Variants in NSA2 observed in about 807,000 individuals in gnomAD.
NSA2 encodes NSA2 ribosome biogenesis factor, also known as ribosome biogenesis protein NSA2 homolog.
In NSA2, 18 loss-of-function variants were observed where a neutral mutation model predicts 34.8. The ratio of observed to expected loss-of-function variants is 0.52; its 90% CI spans 0.36 to 0.77. NSA2 has a LOEUF of 0.77. Among genes scored for constraint, NSA2 ranks in the 30% least tolerant of loss-of-function variants. The probability of loss-of-function intolerance (pLI) is 0.00; values close to 1 mark genes in which losing one functional copy is unlikely to be tolerated. For synonymous variants in NSA2, 79 were observed against 100.2 expected, an observed-to-expected ratio of 0.79 and a Z score of 1.26; for missense variants, 188 against 314.7, an observed-to-expected ratio of 0.60 and a Z score of 3.05.
chr5:74,779,069 CAGAG>C lies in NSA2; in HGVS notation c.*2402_*2405del, dbSNP rs1745274530. ...TAAACCCCAAAATAACAATTTCTGT[CAGAG>C]AGAATCTGTAACAGAAGTGTTCTTG... On this transcript the variant is annotated 3_prime_UTR_variant, in exon 6 of 6. Transcript: ENST00000610426. 2.0e-5 allele frequency: 3 copies of C among 152,234 alleles called. No individual in the cohort carries two copies. Among genetic ancestry groups the C allele is most frequent in the South Asian group, 4.1e-4 (2 of 4,824 alleles). 9.4% of individuals were successfully genotyped at this position (152,234 alleles called of 1,614,324 possible).
chr5:74,777,545 GTA>G lies in NSA2; in HGVS notation c.*878_*879del, dbSNP rs1561280007. The G allele has an allele frequency of 6.6e-6, 1 of 151,906 alleles. No homozygotes were observed. The highest frequency in any genetic ancestry group is 2.4e-5 in the African/African-American group (1 of 41,394). The allele number at this position is 151,906 out of a possible 1,614,324, so 9.4% of individuals were successfully genotyped here. A position where few individuals can be genotyped will look rare whatever the true frequency, so the allele number is the denominator to read the frequency against. On this transcript the variant is annotated 3_prime_UTR_variant, in exon 6 of 6. Coordinates refer to ENST00000610426, the MANE Select transcript of NSA2 (RefSeq NM_014886.6). Reference sequence around the variant, plus strand: ...TATATGTTGTGGTTTTAAGGATGGCGTATATTACATTAATCTATAATCACCAC... The same window carrying G: ...TATATGTTGTGGTTTTAAGGATGGCGTATTACATTAATCTATAATCACCAC...
At chr5:74,771,506 A>G (rs1744927419) in intron 4 of NSA2, 1 of 152,128 alleles carries the variant, frequency 6.6e-6, no homozygotes, top group Admixed American at 6.5e-5. Flanking sequence ...GGACTGTTTT[A>G]TAAGAGTCAA....
chr5:74,769,151 T>C, intron 2 of NSA2, 33 bp downstream of exon 2: 1 of 1,594,742 alleles, frequency 6.3e-7, no homozygotes, highest in Non-Finnish European at 8.5e-7. Flanking sequence ...CATAACAAGT[T>C]AACATCTTTT....
chr5:74,776,985 A>C lies in NSA2; in HGVS notation c.*314A>C, dbSNP rs1412041127. 1 of 205,490 alleles carries C rather than the reference A, an allele frequency of 4.9e-6. No homozygotes were observed. Among genetic ancestry groups the C allele is most frequent in the Non-Finnish European group, 9.7e-6 (1 of 102,728 alleles). The allele number at this position is 205,490 out of a possible 1,614,324, so 12.7% of individuals were successfully genotyped here. On this transcript the variant is annotated 3_prime_UTR_variant, in exon 6 of 6. Transcript: ENST00000610426. ...CAGTGTTCATTGAAAATGCCTTTCA[A>C]AAAGGTTAATACACAATTATGTGTC...
intron 1 of NSA2, among the ~76,000 whole-genome samples, chr5:74,768,428 G>T (rs1470720920): frequency 6.6e-6 from 1 of 152,188 alleles, no homozygotes; most frequent in Admixed American, 6.5e-5. Flanking sequence ...CAAACTGAGG[G>T]TTGGGAAAGA....
intron 5 of NSA2, among the ~76,000 whole-genome samples, chr5:74,774,784 A>C (rs1346127411): frequency 6.6e-6 from 1 of 152,254 alleles, no homozygotes; most frequent in South Asian, 2.1e-4. Context: ...CAATGACTAA[A>C]GATGTCTTCC....
At chr5:74,772,021 G>C (rs1452784476) in intron 4 of NSA2, among the ~76,000 whole-genome samples, 1 of 151,946 alleles carries the variant, frequency 6.6e-6, no homozygotes, top group African/African-American at 2.4e-5. Context: ...TCCCTTCAAA[G>C]AGACTGAACT....
At chr5:74,772,179 C>T (rs1418667436) in intron 4 of NSA2, among the ~76,000 whole-genome samples, 2 of 148,602 alleles carry the variant, frequency 1.3e-5, no homozygotes, top group Non-Finnish European at 3.0e-5. Flanking sequence ...GGCGGGAGTG[C>T]AGTGGCACGA....
rs1292805486 is a variant in NSA2, at chr5:74,780,069, T to TA, written c.*3400dup. On this transcript the variant is annotated 3_prime_UTR_variant, in exon 6 of 6. Transcript: ENST00000610426. ...CTGTTTTTAGATTATCTTTGGATTC[T>TA]AATAACCATTTTGTCCATTTTTAAA... 2 of 152,222 alleles carry TA rather than the reference T, an allele frequency of 1.3e-5. No homozygotes were observed. Among genetic ancestry groups the TA allele is most frequent in the Non-Finnish European group, 2.9e-5 (2 of 68,028 alleles). The allele number at this position is 152,222 out of a possible 1,614,324, so 9.4% of individuals were successfully genotyped here. A position where few individuals can be genotyped will look rare whatever the true frequency, so the allele number is the denominator to read the frequency against.
Position 74,777,576 on chromosome 5 carries a change from G to A in NSA2, c.*905G>A, listed in dbSNP as rs1745182657. 1 of 148,220 alleles carries A rather than the reference G, an allele frequency of 6.7e-6. No individual in the cohort carries two copies. Among genetic ancestry groups the A allele is most frequent in the South Asian group, 2.1e-4 (1 of 4,756 alleles). The allele number at this position is 148,220 out of a possible 1,614,324, so 9.2% of individuals were successfully genotyped here. ...TACATTAATCTATAATCACCACATT[G>A]TTTTAAATTGTTTATTTTTTTTTTA... On this transcript the variant is annotated 3_prime_UTR_variant, in exon 6 of 6. Coordinates refer to ENST00000610426, the MANE Select transcript of NSA2 (RefSeq NM_014886.6).
chr5:74,776,566 A>C (rs750087978), intron 5 of NSA2, 38 bp from the exon 6 acceptor site: 1 of 1,052,804 alleles, frequency 9.5e-7, no homozygotes, highest in Admixed American at 1.7e-5. Flanking sequence ...TTAGCTAACA[A>C]CCCTCCCTTT....
At chr5:74,776,573 C>G (rs891890745) in intron 5 of NSA2, 31 bp from the exon 6 acceptor site, 2 of 1,204,022 alleles carry the variant, frequency 1.7e-6, no homozygotes, top group Non-Finnish European at 2.5e-6. Context: ...ACAACCCTCC[C>G]TTTTCCCTTT....
intron 4 of NSA2, among the ~76,000 whole-genome samples, chr5:74,772,414 C>T (rs147590813): frequency 0.01 from 1,516 of 147,336 alleles, 28 homozygotes; most frequent in African/African-American, 0.037. Context: ...CCACCGTGCC[C>T]GGCCAACGTG....
At chr5:74,775,267 G>C (rs1050390555) in intron 5 of NSA2, among the ~76,000 whole-genome samples, 1 of 152,050 alleles carries the variant, frequency 6.6e-6, no homozygotes, top group East Asian at 1.9e-4. Context: ...AGTTCGTTCT[G>C]TTAATTCCCA....
chr5:74,778,369 A>G lies in NSA2; in HGVS notation c.*1698A>G, dbSNP rs896394016. 6.6e-6 allele frequency: 1 copy of G among 152,094 alleles called. No individual in the cohort carries two copies. Among genetic ancestry groups the G allele is most frequent in the Non-Finnish European group, 1.5e-5 (1 of 67,912 alleles). The allele number at this position is 152,094 out of a possible 1,614,324, so 9.4% of individuals were successfully genotyped here. On this transcript the variant is annotated 3_prime_UTR_variant, in exon 6 of 6. Transcript: ENST00000610426. ...GTAATCCCAAGGGATAAAGCAGAAC[A>G]TAAGAGCAGATATTTAGATATTAGT... is the stretch of plus-strand genomic sequence containing the variant.
intron 4 of NSA2, among the ~76,000 whole-genome samples, chr5:74,771,870 GAAA>G (rs869172253): frequency 1.0e-5 from 1 of 98,896 alleles, no homozygotes; most frequent in Non-Finnish European, 1.9e-5. Context: ...AAAAAAAAAA[GAAA>G]AAAAGAAAAA....
intron 5 of NSA2, 74 bp from the exon 6 acceptor site, chr5:74,776,530 G>A: frequency 7.4e-6 from 6 of 813,910 alleles, no homozygotes; most frequent in Non-Finnish European, 1.3e-5. Context: ...AAAGGCAAAA[G>A]TTATATTCTT....
At chr5:74,775,992 G>T (rs955682454) in intron 5 of NSA2, among the ~76,000 whole-genome samples, 15 of 152,126 alleles carry the variant, frequency 9.9e-5, no homozygotes, top group African/African-American at 3.4e-4. Flanking sequence ...TTTCCAGGAA[G>T]AATTATGTGA....
Position 74,768,997 on chromosome 5 carries a change from AAG to A in NSA2, c.74_75del (p.Arg25LysfsTer9). The A allele has an allele frequency of 1.2e-6, 2 of 1,610,746 alleles. No homozygotes were observed. Among genetic ancestry groups the A allele is most frequent in the Non-Finnish European group, 1.7e-6 (2 of 1,179,062 alleles). ...YGYRLDYHEK[K>X]RKKESREAHE... ...ATACCGTTTGGATTACCATGAGAAA[AAG>A]AGAAAGAAGGAAAGTCGAGAGGCTC... is the stretch of plus-strand genomic sequence containing the variant. On this transcript the variant is annotated frameshift_variant, in exon 2 of 6. Transcript: ENST00000610426. LOFTEE classifies it high-confidence loss of function.
Sources: allele counts gnomAD v4.1 joint callset (sites outside exome capture counted in the v4.1 genomes callset), GRCh38; gene constraint gnomAD v4.1.1; transcripts MANE v1.5; gene names NCBI Gene and HGNC (gene_info 2026-07-23, HGNC 2026-07-21).